FAT3: variants seen among roughly 807,000 people sequenced by gnomAD.
FAT3 encodes protocadherin Fat 3.
FAT3 carries 95 observed loss-of-function variants against 310.2 expected under a neutral mutation model. The observed-to-expected ratio is 0.31, with a 90% CI of 0.26 to 0.36. The LOEUF (loss-of-function observed/expected upper bound fraction) is 0.36. Ranked by LOEUF, FAT3 falls within the 10% of genes least tolerant of loss-of-function variation. FAT3 has a pLI of 1.00. For synonymous variants in FAT3, 2,314 were observed against 2,192.9 expected (o/e 1.06, Z -1.54); for missense variants, 5,408 against 5,715.6 (o/e 0.95, Z 1.74).
At chr11:92,365,711 A>G (rs1322311404) in intron 2 of FAT3, among the ~76,000 whole-genome samples, 2 of 152,216 alleles carry the variant, frequency 1.3e-5, no homozygotes, top group African/African-American at 2.4e-5. Flanking sequence ...TGAAAGACAC[A>G]CTTGGACAGG....
chr11:92,765,866 G>A (rs1946296295), intron 6 of FAT3, among the ~76,000 whole-genome samples: 1 of 151,338 alleles, frequency 6.6e-6, no homozygotes, highest in Non-Finnish European at 1.5e-5. Flanking sequence ...TTATCTTTTT[G>A]TAGGTTGGTT....
In FAT3 at chr11:92,800,727, G is replaced by T; in HGVS notation, c.7714G>T (p.Val2572Leu). Residue 2572 changes from valine to leucine, a missense_variant, in exon 10 of 28, where the codon GTG (valine) becomes TTG (leucine). Physicochemically the swap from Val to Leu is conservative, Grantham distance 32. This residue lies in a region of FAT3 where 4,588 missense variants were observed against 4,809.8 expected (regional missense o/e 0.95). Transcript: ENST00000525166. Reference sequence around the variant, plus strand: ...TCTAGAAGGGGATGTTAGTATTTTTGTGAGGGCCCTTGATGGTGGAGGGAG... The same window carrying T: ...TCTAGAAGGGGATGTTAGTATTTTTTTGAGGGCCCTTGATGGTGGAGGGAG... ...NPLEGDVSIF[V>L]RALDGGGRTT... 1.2e-6 allele frequency: 2 copies of T among 1,613,914 alleles called. No individual in the cohort carries two copies. The highest frequency in any genetic ancestry group is 1.7e-6 in the Non-Finnish European group (2 of 1,179,868).
chr11:92,849,772 A>G lies in FAT3; in HGVS notation c.11365+5040A>G, dbSNP rs181273950. On this transcript the variant is annotated intron_variant, in intron 19 of 27. Coordinates refer to ENST00000525166, the MANE Select transcript of FAT3 (RefSeq NM_001367949.2). ...CATCCTTTTGTTTACTTATTCTCTC[A>G]GCAGTTAATTGAATACTGTTTTGCA... Among the ~76,000 whole-genome samples, 1,024 of 152,292 alleles carry G rather than the reference A, an allele frequency of 6.7e-3. 13 individuals carry two copies. The highest frequency in any genetic ancestry group is 0.024 in the African/African-American group (983 of 41,552).
In FAT3 at chr11:92,741,250, G is replaced by A. The variant is rs373082499; in HGVS notation, c.3670-20606G>A. ...GAGACAAAGTCTCACCATGTTCCCC[G>A]AGCTGATCTTGAACTCCTGGGTTCA... is the stretch of plus-strand genomic sequence containing the variant. On this transcript the variant is annotated intron_variant, in intron 4 of 27. Coordinates refer to ENST00000525166, the MANE Select transcript of FAT3 (RefSeq NM_001367949.2). Among the ~76,000 whole-genome samples the A allele has an allele frequency of 3.9e-5, 6 of 152,180 alleles. No individual in the cohort carries two copies. The South Asian group carries it at 6.2e-4, about 16-fold the overall frequency.
chr11:92,393,227 T>C (rs1371449732), intron 2 of FAT3, among the ~76,000 whole-genome samples: 1 of 152,138 alleles, frequency 6.6e-6, no homozygotes, highest in African/African-American at 2.4e-5. Context: ...TGCACATGTG[T>C]ACCTGTGTGT....
chr11:92,846,437 C>T (rs1263604720), intron 19 of FAT3, among the ~76,000 whole-genome samples: 2 of 152,134 alleles, frequency 1.3e-5, no homozygotes, highest in Non-Finnish European at 2.9e-5. Flanking sequence ...GACAGAATCC[C>T]TTCTATGGTC....
At chr11:92,603,250 G>T (rs986280760) in intron 3 of FAT3, among the ~76,000 whole-genome samples, 15 of 152,058 alleles carry the variant, frequency 9.9e-5, no homozygotes, top group Non-Finnish European at 2.1e-4. Context: ...GTCATGTGTT[G>T]CCCTAAGAAA....
At chr11:92,300,219 T>A (rs1348200081) in intron 1 of FAT3, among the ~76,000 whole-genome samples, 1 of 152,132 alleles carries the variant, frequency 6.6e-6, no homozygotes, top group Non-Finnish European at 1.5e-5. Flanking sequence ...CGTTGGCTCA[T>A]TATATTTCCT....
At chr11:92,778,387 C>T (rs534978916) in intron 7 of FAT3, among the ~76,000 whole-genome samples, 3 of 152,286 alleles carry the variant, frequency 2.0e-5, no homozygotes, top group African/African-American at 7.2e-5. Flanking sequence ...ATTAGCATTT[C>T]CCTGGACTAA....
intron 2 of FAT3, among the ~76,000 whole-genome samples, chr11:92,499,290 A>G (rs777754933): frequency 2.6e-5 from 4 of 152,088 alleles, no homozygotes; most frequent in Non-Finnish European, 5.9e-5. Flanking sequence ...GAATTGGGAA[A>G]GTCTCTATAT....
At chr11:92,685,058 A>G (rs1943592002) in intron 3 of FAT3, among the ~76,000 whole-genome samples, 1 of 152,216 alleles carries the variant, frequency 6.6e-6, no homozygotes, top group African/African-American at 2.4e-5. Context: ...TACAGAAATC[A>G]GAGACTGACT....
chr11:92,233,842 G>A (rs1864295652), intron 1 of FAT3, among the ~76,000 whole-genome samples: 1 of 152,186 alleles, frequency 6.6e-6, no homozygotes, highest in Non-Finnish European at 1.5e-5. Context: ...CATTTTGTAA[G>A]TGTAATAACT....
At chr11:92,488,138 G>A (rs1952481472) in intron 2 of FAT3, among the ~76,000 whole-genome samples, 1 of 152,164 alleles carries the variant, frequency 6.6e-6, no homozygotes, top group South Asian at 2.1e-4. Context: ...AGCTCATGCA[G>A]CAAGGACCTG....
At chr11:92,503,452 A>G (rs1428485453) in intron 2 of FAT3, among the ~76,000 whole-genome samples, 1 of 152,102 alleles carries the variant, frequency 6.6e-6, no homozygotes, top group Non-Finnish European at 1.5e-5. Context: ...ATATTCTTTA[A>G]GTCTGAAGCA....
intron 13 of FAT3, among the ~76,000 whole-genome samples, chr11:92,823,022 T>G (rs771457547): frequency 3.9e-5 from 6 of 152,210 alleles, no homozygotes; most frequent in Non-Finnish European, 8.8e-5. Flanking sequence ...GAAACTTCCC[T>G]TGACCACCCC....
rs562179840 is a variant in FAT3, at chr11:92,315,779, C to T, written c.-17-36317C>T. Among the ~76,000 whole-genome samples, 3 of 151,828 alleles carry T rather than the reference C, an allele frequency of 2.0e-5. No individual in the cohort carries two copies. The South Asian group carries it at 6.2e-4, about 32-fold the overall frequency. On this transcript the variant is annotated intron_variant, in intron 1 of 27. Coordinates refer to ENST00000525166, the MANE Select transcript of FAT3 (RefSeq NM_001367949.2). Reference sequence around the variant, plus strand: ...TCAAGTGATCCACCCACCTTGGCCTCCCAAAGTGCCAGGATTATAGACGTG... The same window carrying T: ...TCAAGTGATCCACCCACCTTGGCCTTCCAAAGTGCCAGGATTATAGACGTG...
intron 3 of FAT3, among the ~76,000 whole-genome samples, chr11:92,586,180 A>G (rs1308948812): frequency 2.0e-5 from 3 of 152,038 alleles, no homozygotes; most frequent in African/African-American, 7.2e-5. Context: ...CTCAAAGTAT[A>G]TATTCAGCCA....
intron 4 of FAT3, among the ~76,000 whole-genome samples, chr11:92,752,205 A>G (rs1256320652): frequency 1.3e-5 from 2 of 152,252 alleles, no homozygotes; most frequent in East Asian, 3.9e-4. Context: ...CTGCATTCCA[A>G]TAAAACTTTA....
At chr11:92,440,511 G>A (rs541529699) in intron 2 of FAT3, among the ~76,000 whole-genome samples, 1 of 152,266 alleles carries the variant, frequency 6.6e-6, no homozygotes, top group African/African-American at 2.4e-5. Context: ...TGCTTCTGTG[G>A]CTAGAATTGC....
Sources: allele counts gnomAD v4.1 joint callset (sites outside exome capture counted in the v4.1 genomes callset), GRCh38; gene constraint gnomAD v4.1.1; regional missense constraint gnomAD v4.1.1; transcripts MANE v1.5; gene names NCBI Gene and HGNC (gene_info 2026-07-23, HGNC 2026-07-21).